Variants in TSPAN19 observed in about 807,000 individuals in gnomAD.
TSPAN19 encodes the protein tetraspanin 19.
In TSPAN19, 44 loss-of-function variants were observed where a neutral mutation model predicts 35.1. The ratio of observed to expected loss-of-function variants is 1.25; its 90% CI spans 0.98 to 1.61. The LOEUF is 1.61. Among genes scored for constraint, TSPAN19 ranks in the 40% most tolerant of loss-of-function variants. The pLI is 0.00. For missense variants in TSPAN19, 290 were observed against 280.0 expected, an observed-to-expected ratio of 1.04 and a Z score of -0.26; for synonymous variants, 79 against 92.0, an observed-to-expected ratio of 0.86 and a Z score of 0.81.
chr12:85,020,707 T>A (rs1877074453), intron 5 of TSPAN19, among the ~76,000 whole-genome samples: 1 of 152,040 alleles, frequency 6.6e-6, no homozygotes, highest in Non-Finnish European at 1.5e-5. Context: ...CCAAGAAGCA[T>A]CTGAACAGAC....
chr12:85,034,568 C>T (rs1877834049), intron 1 of TSPAN19, among the ~76,000 whole-genome samples: 1 of 152,112 alleles, frequency 6.6e-6, no homozygotes, highest in South Asian at 2.1e-4. Flanking sequence ...AAAGTCTACT[C>T]AGGTTAAAGA....
chr12:85,033,488 T>G (rs990551759), intron 1 of TSPAN19, among the ~76,000 whole-genome samples: 1 of 151,978 alleles, frequency 6.6e-6, no homozygotes, highest in Non-Finnish European at 1.5e-5. Context: ...ATGAGAGATG[T>G]AGTAGGAAGT....
chr12:85,017,375 T>G, intron 7 of TSPAN19, 81 bp downstream of exon 7: 1 of 1,271,554 alleles, frequency 7.9e-7, no homozygotes, highest in South Asian at 1.4e-5. Flanking sequence ...ATATAAAAAT[T>G]TGCTCAGAAT....
intron 5 of TSPAN19, among the ~76,000 whole-genome samples, chr12:85,023,119 G>A (rs1877208994): frequency 6.6e-6 from 1 of 152,058 alleles, no homozygotes; most frequent in Non-Finnish European, 1.5e-5. Flanking sequence ...TGCAAACAGA[G>A]TTAAAGGCAA....
intron 6 of TSPAN19, among the ~76,000 whole-genome samples, chr12:85,018,939 G>A (rs1876964813): frequency 1.3e-5 from 2 of 151,552 alleles, no homozygotes; most frequent in Admixed American, 6.6e-5. Flanking sequence ...TTTTAATTGG[G>A]CACTTATTAT....
chr12:85,034,121 T>A (rs1877804657), intron 1 of TSPAN19, among the ~76,000 whole-genome samples: 1 of 151,958 alleles, frequency 6.6e-6, no homozygotes, highest in African/African-American at 2.4e-5. Context: ...ACACTTTAAG[T>A]GGAACAAGAG....
chr12:85,020,317 A>C (rs557637561), intron 5 of TSPAN19, among the ~76,000 whole-genome samples: 1 of 151,940 alleles, frequency 6.6e-6, no homozygotes, highest in Non-Finnish European at 1.5e-5. Context: ...TGGCCTATAT[A>C]AATGTCTTCT....
intron 7 of TSPAN19, 82 bp downstream of exon 7, chr12:85,017,374 T>G (rs554312092): frequency 7.9e-7 from 1 of 1,273,426 alleles, no homozygotes; most frequent in Admixed American, 2.6e-5. Context: ...TATATAAAAA[T>G]TTGCTCAGAA....
chr12:85,033,092 G>T (rs1049292062), intron 1 of TSPAN19, among the ~76,000 whole-genome samples: 1 of 152,018 alleles, frequency 6.6e-6, no homozygotes, highest in Non-Finnish European at 1.5e-5. Flanking sequence ...GTGTTGAGGT[G>T]GGGACAGGAA....
At chr12:85,027,095 T>C (rs1409283647) in intron 4 of TSPAN19, among the ~76,000 whole-genome samples, 2 of 152,198 alleles carry the variant, frequency 1.3e-5, no homozygotes, top group Admixed American at 1.3e-4. Flanking sequence ...GTATGGTAAT[T>C]GGCTCATGTC....
chr12:85,023,853 C>G (rs1484040029), intron 4 of TSPAN19, among the ~76,000 whole-genome samples: 2 of 151,980 alleles, frequency 1.3e-5, no homozygotes, highest in Non-Finnish European at 2.9e-5. Flanking sequence ...GGGCTATTTC[C>G]TGAAAACTGA....
At chr12:85,023,426 A>G (rs1299808097) in intron 4 of TSPAN19, 26 bp from the exon 5 acceptor site, 1 of 1,509,404 alleles carries the variant, frequency 6.6e-7, no homozygotes. Flanking sequence ...AATAGAGATG[A>G]TGACTATGCT....
At chr12:85,027,832 C>A in intron 4 of TSPAN19, 67 bp downstream of exon 4, 1 of 1,432,964 alleles carries the variant, frequency 7.0e-7, no homozygotes. Context: ...AATCAGTATT[C>A]ATTTGTGTAA....
chr12:85,026,201 T>C (rs1451991773), intron 4 of TSPAN19, among the ~76,000 whole-genome samples: 1 of 152,166 alleles, frequency 6.6e-6, no homozygotes, highest in African/African-American at 2.4e-5. Context: ...GTATAAGTAG[T>C]AGACTCTGCA....
chr12:85,030,330 T>C (rs756198705), intron 1 of TSPAN19, among the ~76,000 whole-genome samples: 2 of 152,156 alleles, frequency 1.3e-5, no homozygotes, highest in Non-Finnish European at 2.9e-5. Flanking sequence ...TTTAAATTTT[T>C]ATTTTAATCC....
At chr12:85,029,235 A>G (rs1013914892) in intron 3 of TSPAN19, among the ~76,000 whole-genome samples, 2 of 152,144 alleles carry the variant, frequency 1.3e-5, no homozygotes, top group Non-Finnish European at 2.9e-5. Context: ...GTACGAGTAA[A>G]TAGTGGCAAT....
chr12:85,018,988 G>T (rs927646627), intron 6 of TSPAN19, among the ~76,000 whole-genome samples: 2 of 151,654 alleles, frequency 1.3e-5, no homozygotes, highest in African/African-American at 2.4e-5. Flanking sequence ...CCATTTAGCC[G>T]ACAATACCCT....
intron 5 of TSPAN19, among the ~76,000 whole-genome samples, chr12:85,020,368 C>T (rs1262476878): frequency 6.6e-6 from 1 of 151,158 alleles, no homozygotes; most frequent in Admixed American, 6.6e-5. Context: ...ATACTGGTTC[C>T]CTCATTAATT....
rs112124948 is a variant in TSPAN19 at position 85,032,226 on chromosome 12, T to A, written c.-27-2253A>T. ...AATGGGTAGCATAGGCTGTACAGAC[T>A]TGAAAGTCATTCATAGAGAACCAGT... is the stretch of plus-strand genomic sequence containing the variant. On this transcript the variant is annotated intron_variant, in intron 1 of 8. Transcript: ENST00000532498. Among the ~76,000 whole-genome samples, 644 of 152,216 alleles carry A rather than the reference T, an allele frequency of 4.2e-3. 5 individuals carry two copies. The highest frequency in any genetic ancestry group is 0.014 in the African/African-American group (598 of 41,552).
Sources: gnomAD v4.1 joint callset for allele counts (sites outside exome capture counted in the v4.1 genomes callset) on GRCh38, gnomAD v4.1.1 for gene constraint, MANE v1.5 for transcripts, NCBI Gene and HGNC (gene_info 2026-07-23, HGNC 2026-07-21) for gene names.